The following SYT1 variants were observed in gnomAD, a reference collection of about 807,000 sequenced individuals.
SYT1 encodes the protein synaptotagmin-1.
In SYT1, 8 loss-of-function variants were observed where a neutral mutation model predicts 44.8. The ratio of observed to expected loss-of-function variants is 0.18; its 90% confidence interval spans 0.10 to 0.32. The LOEUF is 0.32. SYT1 is among the 10% of genes least tolerant of loss of function. The pLI is 1.00. For synonymous variants in SYT1, 154 were observed against 188.8 expected (o/e 0.82, Z 1.51); for missense variants, 286 against 509.3 (o/e 0.56, Z 4.22).
chr12:78,891,010 A>G lies in SYT1; in HGVS notation c.-217+25901A>G, dbSNP rs922667586. ...TTAGAATTAATTCTACTGATTCCTCATGTATATGTGTATTACCTATCTTCT... is the reference window on the plus strand; with the variant it reads ...TTAGAATTAATTCTACTGATTCCTCGTGTATATGTGTATTACCTATCTTCT... On this transcript the variant is annotated intron_variant, in intron 1 of 10. Coordinates refer to ENST00000261205, the MANE Select transcript of SYT1 (RefSeq NM_005639.3). Among the ~76,000 whole-genome samples, 6 of 151,914 alleles carry G rather than the reference A, an allele frequency of 3.9e-5. No homozygotes were observed. In the South Asian group the frequency reaches 1.0e-3, roughly 26 times the overall value.
At chr12:79,423,952 T>C (rs1403403096) in intron 9 of SYT1, among the ~76,000 whole-genome samples, 2 of 150,548 alleles carry the variant, frequency 1.3e-5, no homozygotes, top group Non-Finnish European at 2.9e-5. Context: ...CAAATACTTG[T>C]TGAAATAACC....
intron 8 of SYT1, among the ~76,000 whole-genome samples, chr12:79,301,808 A>G (rs1000283864): frequency 1.4e-4 from 22 of 152,186 alleles, no homozygotes; most frequent in East Asian, 9.6e-4. Context: ...AAAACTCTAG[A>G]GACTTTCCTC....
intron 3 of SYT1, among the ~76,000 whole-genome samples, chr12:79,115,208 T>G (rs1345053791): frequency 6.6e-6 from 1 of 152,024 alleles, no homozygotes; most frequent in African/African-American, 2.4e-5. Context: ...CAGAAAGGAG[T>G]TTCAAAAACA....
intron 4 of SYT1, among the ~76,000 whole-genome samples, chr12:79,254,971 T>C (rs1375024100): frequency 6.6e-6 from 1 of 152,214 alleles, no homozygotes; most frequent in Non-Finnish European, 1.5e-5. Flanking sequence ...CTGGTGAAGA[T>C]ACTATGAACA....
intron 8 of SYT1, among the ~76,000 whole-genome samples, chr12:79,321,946 G>C (rs1051782978): frequency 6.6e-6 from 1 of 152,170 alleles, no homozygotes; most frequent in African/African-American, 2.4e-5. Context: ...CCATTAGTTA[G>C]AGTGCCCGGA....
chr12:79,277,026 AAGG>A (rs1878776308), intron 4 of SYT1, among the ~76,000 whole-genome samples: 1 of 151,954 alleles, frequency 6.6e-6, no homozygotes, highest in South Asian at 2.1e-4. Flanking sequence ...GAGGAAGAAG[AAGG>A]AGAAGGGGAC....
At chr12:78,959,343 T>C (rs1879382604) in intron 1 of SYT1, among the ~76,000 whole-genome samples, 1 of 152,200 alleles carries the variant, frequency 6.6e-6, no homozygotes. Context: ...ATATTTAGAA[T>C]AAAATTATAG....
intron 1 of SYT1, among the ~76,000 whole-genome samples, chr12:78,903,489 G>T (rs1168242506): frequency 6.6e-6 from 1 of 151,960 alleles, no homozygotes; most frequent in African/African-American, 2.4e-5. Flanking sequence ...TTTTCGCCAT[G>T]TTGGTCAGGC....
At chr12:79,286,991 C>T (rs1879345506) in intron 5 of SYT1, among the ~76,000 whole-genome samples, 1 of 152,010 alleles carries the variant, frequency 6.6e-6, no homozygotes, top group East Asian at 1.9e-4. Context: ...AACTCTTAAA[C>T]CTGAATCTCC....
At chr12:79,179,053 TAGATATAGATATAG>T (rs1312603897) in intron 3 of SYT1, among the ~76,000 whole-genome samples, 44 of 84,414 alleles carry the variant, frequency 5.2e-4, no homozygotes, top group Non-Finnish European at 7.8e-4. Context: ...TATAGATATA[TAGATATAGATATAG>T]ATATATAGAT....
At chr12:79,392,153 C>G (rs1438022031) in intron 9 of SYT1, 1 of 152,030 alleles carries the variant, frequency 6.6e-6, no homozygotes, top group African/African-American at 2.4e-5. Context: ...CACCACATTT[C>G]AATATTTTTA....
intron 1 of SYT1, among the ~76,000 whole-genome samples, chr12:78,901,689 A>G (rs935692734): frequency 1.3e-5 from 2 of 152,128 alleles, no homozygotes; most frequent in African/African-American, 4.8e-5. Context: ...TGTTGGCAAA[A>G]TGGTGATCAT....
At chr12:79,057,028 G>A (rs917274868) in intron 3 of SYT1, among the ~76,000 whole-genome samples, 1 of 151,910 alleles carries the variant, frequency 6.6e-6, no homozygotes, top group African/African-American at 2.4e-5. Context: ...ATCTTGTTAT[G>A]CCTCTAAAGA....
chr12:79,104,301 A>G (rs1274087721), intron 3 of SYT1, among the ~76,000 whole-genome samples: 1 of 152,096 alleles, frequency 6.6e-6, no homozygotes, highest in Non-Finnish European at 1.5e-5. Context: ...TGTTGCTTAC[A>G]AAACTGAATA....
intron 3 of SYT1, among the ~76,000 whole-genome samples, chr12:79,160,908 A>G (rs1414728620): frequency 6.6e-6 from 1 of 152,124 alleles, no homozygotes. Context: ...TTGATCAATG[A>G]CAGACTGCAT....
At chr12:79,136,214 A>G (rs944042611) in intron 3 of SYT1, among the ~76,000 whole-genome samples, 4 of 152,336 alleles carry the variant, frequency 2.6e-5, no homozygotes, top group Admixed American at 6.5e-5. Context: ...GCTACCATCT[A>G]TTGAACTCTT....
At chr12:79,345,514 C>T (rs1181386437) in intron 8 of SYT1, among the ~76,000 whole-genome samples, 1 of 152,148 alleles carries the variant, frequency 6.6e-6, no homozygotes, top group Non-Finnish European at 1.5e-5. Flanking sequence ...CAATGAGTTA[C>T]AGAGTATGCC....
chr12:79,237,882 T>C (rs758012297), intron 4 of SYT1, among the ~76,000 whole-genome samples: 1 of 152,218 alleles, frequency 6.6e-6, no homozygotes, highest in Non-Finnish European at 1.5e-5. Context: ...AAAGATGTTA[T>C]GCAGAATACA....
intron 2 of SYT1, among the ~76,000 whole-genome samples, chr12:79,042,019 C>A (rs1214212440): frequency 6.6e-6 from 1 of 150,804 alleles, no homozygotes; most frequent in African/African-American, 2.4e-5. Context: ...CTGCTGGATT[C>A]GTTTTGCCAG....
Sources: allele counts gnomAD v4.1 joint callset (sites outside exome capture counted in the v4.1 genomes callset), GRCh38; gene constraint gnomAD v4.1.1; transcripts MANE v1.5; gene names NCBI Gene and HGNC (gene_info 2026-07-23, HGNC 2026-07-21).